The following ZNF83 variants were observed in gnomAD, a reference collection of about 807,000 sequenced individuals.
The protein encoded by ZNF83 is zinc finger protein 816B.
For missense variants in ZNF83, 552 were observed against 629.9 expected, an observed-to-expected ratio of 0.88 and a Z score of 1.32; for synonymous variants, 209 against 213.0, an observed-to-expected ratio of 0.98 and a Z score of 0.17.
At chr19:52,634,032 G>A (rs1329040112) in intron 2 of ZNF83, among the ~76,000 whole-genome samples, 3 of 152,056 alleles carry the variant, frequency 2.0e-5, no homozygotes, top group South Asian at 2.1e-4. Context: ...CACTATAGGA[G>A]GCTGAGGCAG....
intron 1 of ZNF83, chr19:52,636,145 AAAG>A (rs1427491205): frequency 6.6e-6 from 1 of 151,746 alleles, no homozygotes; most frequent in African/African-American, 2.4e-5. Context: ...AAAAAAAAAA[AAAG>A]AAAGAAAAAG....
chr19:52,649,967 T>G (rs2061421635), intron 3 of ZNF83, among the ~76,000 whole-genome samples: 1 of 151,832 alleles, frequency 6.6e-6, no homozygotes, highest in Non-Finnish European at 1.5e-5. Flanking sequence ...TCACAAAAGA[T>G]ATGAGACAGG....
chr19:52,676,978 C>G (rs1172397155), intron 1 of ZNF83, among the ~76,000 whole-genome samples: 1 of 145,070 alleles, frequency 6.9e-6, no homozygotes, highest in African/African-American at 2.6e-5. Flanking sequence ...TAATCAGGGA[C>G]ACAAACACTG....
intron 3 of ZNF83, chr19:52,654,184 C>T (rs528165633): frequency 1.2e-6 from 2 of 1,600,438 alleles, no homozygotes; most frequent in Non-Finnish European, 1.7e-6. Context: ...GTCTGTACTA[C>T]CAGTCAACTT....
At chr19:52,655,295 A>G in intron 3 of ZNF83, 1 of 332,360 alleles carries the variant, frequency 3.0e-6, no homozygotes, top group Non-Finnish European at 5.4e-6. Flanking sequence ...GCTCAGGGCT[A>G]CCAGGGGCAT....
intron 1 of ZNF83, among the ~76,000 whole-genome samples, chr19:52,670,571 T>C (rs143370206): frequency 6.6e-6 from 1 of 152,362 alleles, no homozygotes; most frequent in Non-Finnish European, 1.5e-5. Context: ...AAATGAGTTA[T>C]ATTTGTCATG....
chr19:52,640,940 C>T (rs2061295254), upstream of ZNF83, among the ~76,000 whole-genome samples: 1 of 152,118 alleles, frequency 6.6e-6, no homozygotes, highest in African/African-American at 2.4e-5. Flanking sequence ...AGAACCAATC[C>T]ACCAATCAGA....
intron 3 of ZNF83, chr19:52,655,302 G>A: frequency 2.9e-6 from 1 of 339,114 alleles, no homozygotes; most frequent in Non-Finnish European, 5.3e-6. Flanking sequence ...GCTACCAGGG[G>A]CATCTCTGCT....
intron 1 of ZNF83, among the ~76,000 whole-genome samples, chr19:52,669,484 T>A (rs1161846895): frequency 6.6e-6 from 1 of 152,220 alleles, no homozygotes; most frequent in Admixed American, 6.5e-5. Context: ...ACCAGCCAGA[T>A]GTCTTGGGAA....
chr19:52,674,506 G>A (rs547850461), intron 1 of ZNF83, among the ~76,000 whole-genome samples: 2 of 152,218 alleles, frequency 1.3e-5, no homozygotes, highest in African/African-American at 2.4e-5. Context: ...TAGATGACAC[G>A]ATCCTCTGTG....
intron 3 of ZNF83, chr19:52,655,086 C>T (rs2061488608): frequency 1.3e-5 from 2 of 153,710 alleles, no homozygotes; most frequent in Middle Eastern, 3.0e-3. Context: ...GGTTGGGAGG[C>T]TGAGGTATGA....
At chr19:52,634,305 G>A (rs2061072614) in intron 2 of ZNF83, among the ~76,000 whole-genome samples, 1 of 151,950 alleles carries the variant, frequency 6.6e-6, no homozygotes, top group African/African-American at 2.4e-5. Flanking sequence ...AATAATAATA[G>A]GTGGAATGAG....
Position 52,688,342 on chromosome 19 carries a change from T to G in ZNF83, c.-283+2101A>C, listed in dbSNP as rs571187097. 3.3e-5 allele frequency among the ~76,000 whole-genome samples: 5 copies of G among 151,904 alleles called. No homozygotes were observed. In the East Asian group the frequency reaches 7.8e-4, roughly 24 times the overall value. On this transcript the variant is annotated intron_variant, in intron 1 of 5. Coordinates refer to the ZNF83 transcript ENST00000594682. ...CGCACCATCATACCCGATTAATTTTTTTTTTTTTTTGGCAGAGATAAGGAT... is the reference window on the plus strand; with the variant it reads ...CGCACCATCATACCCGATTAATTTTGTTTTTTTTTTGGCAGAGATAAGGAT...
At chr19:52,619,543 T>C (rs999046909) in intron 2 of ZNF83, among the ~76,000 whole-genome samples, 1 of 152,066 alleles carries the variant, frequency 6.6e-6, no homozygotes, top group African/African-American at 2.4e-5. Flanking sequence ...GGAGAATTGC[T>C]TGAAGCCGGG....
intron 1 of ZNF83, among the ~76,000 whole-genome samples, chr19:52,690,182 G>GAAAAAA (rs35717855): frequency 1.5e-5 from 2 of 132,188 alleles, no homozygotes; most frequent in Non-Finnish European, 3.2e-5. Context: ...ATGATTTTGA[G>GAAAAAA]AAAAAAAAAA....
chr19:52,641,051 C>A (rs1186254494), upstream of ZNF83, among the ~76,000 whole-genome samples: 1 of 151,670 alleles, frequency 6.6e-6, no homozygotes, highest in Non-Finnish European at 1.5e-5. Context: ...CGGCCCCCAC[C>A]CTTCAGAACA....
upstream of ZNF83, among the ~76,000 whole-genome samples, chr19:52,642,261 C>CTTTTTT (rs869173970): frequency 1.9e-4 from 9 of 47,864 alleles, 1 homozygote; most frequent in African/African-American, 6.4e-4. Context: ...AGTATTGTAG[C>CTTTTTT]TTTTTTTTTT....
intron 1 of ZNF83, among the ~76,000 whole-genome samples, chr19:52,681,057 G>A (rs1040768913): frequency 1.3e-5 from 2 of 151,694 alleles, no homozygotes; most frequent in Non-Finnish European, 2.9e-5. Context: ...GGCCAAGCCG[G>A]GCAGATCATT....
chr19:52,666,253 A>G (rs1218560794), intron 1 of ZNF83, among the ~76,000 whole-genome samples: 2 of 151,948 alleles, frequency 1.3e-5, no homozygotes, highest in East Asian at 3.9e-4. Context: ...GAGAGGGAGA[A>G]AGAGACAGAG....
Sources: allele counts gnomAD v4.1 joint callset (sites outside exome capture counted in the v4.1 genomes callset), GRCh38; gene constraint gnomAD v4.1.1; transcripts MANE v1.5; gene names NCBI Gene and HGNC (gene_info 2026-07-23, HGNC 2026-07-21).